Variants in COLGALT2 observed in about 807,000 individuals in gnomAD.
COLGALT2 encodes the protein collagen beta(1-O)galactosyltransferase 2, also known as procollagen galactosyltransferase 2.
A neutral mutation model predicts 73.4 loss-of-function variants in COLGALT2; 49 were observed. The observed-to-expected ratio is 0.67, with a 90% CI of 0.53 to 0.85. The LOEUF (loss-of-function observed/expected upper bound fraction) is 0.85. Among genes scored for constraint, COLGALT2 ranks in the 40% least tolerant of loss-of-function variants. The probability of loss-of-function intolerance (pLI) is 0.00; values close to 1 mark genes in which losing one functional copy is unlikely to be tolerated. For missense variants in COLGALT2, 722 were observed against 790.2 expected (o/e 0.91, Z 1.03); for synonymous variants, 295 against 307.6 (o/e 0.96, Z 0.43).
intron 5 of COLGALT2, among the ~76,000 whole-genome samples, chr1:183,966,420 GT>G (rs1379458946): frequency 2.0e-5 from 3 of 152,072 alleles, no homozygotes; most frequent in African/African-American, 7.2e-5. Flanking sequence ...CCTATCTTTG[GT>G]GATGAAAAAT....
chr1:184,002,385 A>G (rs1671954903), intron 1 of COLGALT2, among the ~76,000 whole-genome samples: 1 of 152,202 alleles, frequency 6.6e-6, no homozygotes, highest in Admixed American at 6.5e-5. Flanking sequence ...GAAAGGATTT[A>G]CTGTGTGAGG....
intron 4 of COLGALT2, among the ~76,000 whole-genome samples, chr1:183,972,418 G>T (rs1446161010): frequency 1.3e-5 from 2 of 152,038 alleles, no homozygotes; most frequent in South Asian, 2.1e-4. Context: ...AACATATTTT[G>T]CTTAGCACAT....
At chr1:183,991,244 C>T (rs540606837) in intron 1 of COLGALT2, among the ~76,000 whole-genome samples, 70 of 152,106 alleles carry the variant, frequency 4.6e-4, no homozygotes, top group African/African-American at 1.5e-3. Flanking sequence ...ATCAATGACA[C>T]GAACAAAAAT....
intron 1 of COLGALT2, among the ~76,000 whole-genome samples, chr1:184,033,834 G>C (rs558810120): frequency 1.1e-4 from 16 of 152,342 alleles, no homozygotes; most frequent in Middle Eastern, 3.4e-3. Context: ...AATGAGAAGA[G>C]TGAGTCTGCA....
chr1:183,968,740 T>C (rs1038574129), intron 5 of COLGALT2, among the ~76,000 whole-genome samples: 12 of 152,126 alleles, frequency 7.9e-5, no homozygotes, highest in African/African-American at 2.9e-4. Context: ...GCATCCATGG[T>C]GGTGAGACAC....
At chr1:184,032,712 T>G (rs1649554299) in intron 1 of COLGALT2, among the ~76,000 whole-genome samples, 1 of 152,208 alleles carries the variant, frequency 6.6e-6, no homozygotes, top group Non-Finnish European at 1.5e-5. Context: ...ACATACAACA[T>G]TTAATATCAA....
rs112973521 is a variant in COLGALT2 at position 184,019,750 on chromosome 1, C to T, written c.263+17345G>A. Among the ~76,000 whole-genome samples, 196 of 152,244 alleles carry T rather than the reference C, an allele frequency of 1.3e-3. 3 individuals are homozygous for T. The highest frequency in any genetic ancestry group is 4.6e-3 in the African/African-American group (190 of 41,550). ...TTATTCAAGATGAGATGTGCTGTGACGTCAACCAAGGAAACAGAAACATCA... is the reference window on the plus strand; with the variant it reads ...TTATTCAAGATGAGATGTGCTGTGATGTCAACCAAGGAAACAGAAACATCA... On this transcript the variant is annotated intron_variant, in intron 1 of 11. Transcript: ENST00000361927.
intron 1 of COLGALT2, among the ~76,000 whole-genome samples, chr1:183,979,859 C>G (rs1173149459): frequency 6.6e-6 from 1 of 152,028 alleles, no homozygotes; most frequent in African/African-American, 2.4e-5. Context: ...CATCTGCTAG[C>G]ACTGACCAAC....
rs777776570 is a variant in COLGALT2, at chr1:183,939,020, T to C, written c.1622A>G (p.Tyr541Cys). 1.9e-6 allele frequency: 3 copies of C among 1,610,852 alleles called. No homozygotes were observed. The highest frequency in any genetic ancestry group is 1.7e-5 in the Admixed American group (1 of 59,988). ...GGCTTTCAGGTCCCTGGATTCATAA[T>C]ACTCCTTGTACTCGGCTCTGAAAAC... ...NKHPVAEYKEYYESRDLKAFS... is the reference protein window; with the variant it reads ...NKHPVAEYKECYESRDLKAFS... Residue 541 changes from tyrosine (Y) to cysteine (C), a missense_variant, in exon 12 of 12, where the codon TAT (tyrosine) becomes TGT (cysteine). By Grantham distance (194) the Tyr-to-Cys change is radical. Transcript: ENST00000361927.
chr1:184,017,077 T>C (rs1351717050), intron 1 of COLGALT2, among the ~76,000 whole-genome samples: 1 of 152,234 alleles, frequency 6.6e-6, no homozygotes, highest in Non-Finnish European at 1.5e-5. Context: ...ATGCATTTGA[T>C]CTGTTAGAAC....
Position 183,938,309 on chromosome 1 carries a change from C to T in COLGALT2, c.*452G>A, listed in dbSNP as rs200622927. ...ATTCCTGTCCCCCAAAAGTTGCACA[C>T]ACAAGTTTTCAATGTCATATAAAAC... is the stretch of plus-strand genomic sequence containing the variant. On this transcript the variant is annotated 3_prime_UTR_variant, in exon 12 of 12. Coordinates refer to ENST00000361927, the MANE Select transcript of COLGALT2 (RefSeq NM_015101.4). 1.0e-6 allele frequency: 1 copy of T among 989,862 alleles called. No homozygotes were observed. Among genetic ancestry groups the T allele is most frequent in the East Asian group, 1.1e-4 (1 of 8,952 alleles). 61.3% of individuals were successfully genotyped at this position (989,862 alleles called of 1,614,324 possible).
intron 8 of COLGALT2, 124 bp from the exon 9 acceptor site, chr1:183,945,688 C>A: frequency 8.9e-7 from 1 of 1,129,264 alleles, no homozygotes. Flanking sequence ...GAGAGGCTTC[C>A]CTTTATTCCT....
Position 184,037,232 on chromosome 1 carries a change from C to A in COLGALT2, c.126G>T (p.Pro42=), listed in dbSNP as rs529266178. The part of the protein sequence containing the change: ...ERDSEDDGEE[P]VVFPESPLQS... The stretch of plus-strand genomic sequence containing the variant: ...GCAGGGGCGACTCCGGGAAAACCAC[C>A]GGCTCCTCTCCGTCGTCCTCCGAGT... The change falls in exon 1 of 12, where the codon CCG becomes CCT. Residue 42 remains proline (P), a synonymous_variant. Transcript: ENST00000361927. The A allele has an allele frequency of 1.9e-6, 3 of 1,595,180 alleles. No individual in the cohort carries two copies. The highest frequency in any genetic ancestry group is 2.3e-5 in the South Asian group (2 of 88,438).
In COLGALT2 at chr1:183,945,414, G is replaced by C; in HGVS notation, c.1269+18C>G. On this transcript the variant is annotated intron_variant, in intron 9 of 11. Transcript: ENST00000361927. ...TCTCCTCATCATAAAACTGCAATCT[G>C]AATAAAGCATTATTTACCTCTTTCC... The C allele has an allele frequency of 6.2e-7, 1 of 1,612,572 alleles. No homozygotes were observed. Among genetic ancestry groups the C allele is most frequent in the Non-Finnish European group, 8.5e-7 (1 of 1,179,652 alleles).
At chr1:183,982,182 G>T (rs1222486929) in intron 1 of COLGALT2, among the ~76,000 whole-genome samples, 1 of 152,160 alleles carries the variant, frequency 6.6e-6, no homozygotes, top group Non-Finnish European at 1.5e-5. Context: ...GAGAGGGAGA[G>T]AGGTGATGTG....
At chr1:183,991,226 T>C (rs1036141959) in intron 1 of COLGALT2, among the ~76,000 whole-genome samples, 2 of 152,222 alleles carry the variant, frequency 1.3e-5, no homozygotes. Context: ...AAATAAATGC[T>C]TGTATAAATC....
intron 3 of COLGALT2, 22 bp downstream of exon 3, chr1:183,975,075 G>T (rs752856572): frequency 6.6e-6 from 10 of 1,522,744 alleles, no homozygotes; most frequent in Middle Eastern, 3.4e-4. Context: ...CAGTTGTCAA[G>T]AAATCAAACA....
chr1:184,030,854 T>TA (rs886862874), intron 1 of COLGALT2, among the ~76,000 whole-genome samples: 1 of 152,176 alleles, frequency 6.6e-6, no homozygotes, highest in Non-Finnish European at 1.5e-5. Context: ...TACACAGGAT[T>TA]AAAAATCTAG....
intron 1 of COLGALT2, among the ~76,000 whole-genome samples, chr1:184,014,361 G>A (rs997606034): frequency 2.0e-5 from 3 of 152,190 alleles, no homozygotes; most frequent in African/African-American, 4.8e-5. Flanking sequence ...CCACATGATT[G>A]AATGCAGCAG....
Sources: allele counts gnomAD v4.1 joint callset (sites outside exome capture counted in the v4.1 genomes callset), GRCh38; gene constraint gnomAD v4.1.1; transcripts MANE v1.5; gene names NCBI Gene and HGNC (gene_info 2026-07-23, HGNC 2026-07-21).